Variants in TYR observed in about 807,000 individuals in gnomAD.
The protein encoded by TYR is tyrosinase, also known as LB24-AB.
TYR carries 58 observed loss-of-function variants against 51.5 expected under a neutral mutation model. The observed-to-expected ratio is 1.13, with a 90% CI of 0.91 to 1.40. The LOEUF is 1.40. TYR is among the 40% of genes most tolerant of loss of function. The probability of loss-of-function intolerance (pLI) is 0.00; values close to 1 mark genes in which losing one functional copy is unlikely to be tolerated. For missense variants in TYR, 732 were observed against 647.4 expected (o/e 1.13, Z -1.42); for synonymous variants, 263 against 235.2 (o/e 1.12, Z -1.08).
In TYR at chr11:89,185,726, G is replaced by A. The variant is rs1022016482; in HGVS notation, c.820-5476G>A. 2.6e-5 allele frequency among the ~76,000 whole-genome samples: 4 copies of A among 152,024 alleles called. No individual in the cohort carries two copies. In the East Asian group the frequency reaches 5.8e-4, roughly 22 times the overall value. ...TCTCCTGAATTTCATCTTTTGCTTC[G>A]AATGTATCTCTCACTACCTAATTAC... On this transcript the variant is annotated intron_variant, in intron 1 of 4. Coordinates refer to ENST00000263321, the MANE Select transcript of TYR (RefSeq NM_000372.5).
rs1939261 is a variant in TYR at position 89,178,067 on chromosome 11, G to T, written c.114G>T (p.Pro38=). ...TGATGGAGAAGGAATGCTGTCCACC[G>T]TGGAGCGGGGACAGGAGTCCCTGTG... ...KNLMEKECCP[P]WSGDRSPCGQ... The change falls in exon 1 of 5, where the codon CCG becomes CCT. Residue 38 remains proline, a synonymous_variant. Coordinates refer to ENST00000263321, the MANE Select transcript of TYR (RefSeq NM_000372.5). 1 of 1,614,160 alleles carries T rather than the reference G, an allele frequency of 6.2e-7. No homozygotes were observed. Among genetic ancestry groups the T allele is most frequent in the Non-Finnish European group, 8.5e-7 (1 of 1,180,004 alleles).
At chr11:89,232,016 C>G (rs1185521774) in intron 3 of TYR, among the ~76,000 whole-genome samples, 1 of 139,904 alleles carries the variant, frequency 7.1e-6, no homozygotes, top group South Asian at 2.4e-4. Flanking sequence ...ATTAAGAGAT[C>G]TGTTGTACAG....
intron 3 of TYR, among the ~76,000 whole-genome samples, chr11:89,246,851 C>T (rs1415808980): frequency 3.3e-5 from 5 of 152,112 alleles, no homozygotes; most frequent in Non-Finnish European, 7.4e-5. Flanking sequence ...CAGATTGCTT[C>T]CCTGCTGGTG....
At chr11:89,266,248 T>A (rs1379097522) in intron 3 of TYR, among the ~76,000 whole-genome samples, 1 of 152,020 alleles carries the variant, frequency 6.6e-6, no homozygotes, top group Non-Finnish European at 1.5e-5. Flanking sequence ...TATTTGTGTA[T>A]TGGTGTTCTG....
chr11:89,238,706 T>C (rs1486985220), intron 3 of TYR, among the ~76,000 whole-genome samples: 4 of 152,164 alleles, frequency 2.6e-5, no homozygotes, highest in African/African-American at 9.7e-5. Flanking sequence ...CCATGAAGTA[T>C]GATGTTAGCA....
intron 3 of TYR, among the ~76,000 whole-genome samples, chr11:89,271,788 A>G (rs1565419314): frequency 6.6e-6 from 1 of 151,956 alleles, no homozygotes. Context: ...ACTTTATTAG[A>G]TAAGTTTATA....
intron 2 of TYR, among the ~76,000 whole-genome samples, chr11:89,192,439 G>T (rs1287475516): frequency 6.6e-6 from 1 of 152,040 alleles, no homozygotes; most frequent in Non-Finnish European, 1.5e-5. Flanking sequence ...AAAGGCCTGT[G>T]ACACCTTAAC....
intron 3 of TYR, among the ~76,000 whole-genome samples, chr11:89,254,622 T>C (rs1462418821): frequency 1.3e-5 from 2 of 151,874 alleles, no homozygotes; most frequent in Non-Finnish European, 2.9e-5. Context: ...AAGATGCTCA[T>C]AGTAGCCTTG....
intron 3 of TYR, 53 bp downstream of exon 3, chr11:89,228,023 T>A: frequency 6.3e-7 from 1 of 1,593,464 alleles, no homozygotes. Flanking sequence ...AAATAGAGGG[T>A]GCCTATCAAA....
At chr11:89,255,818 C>G (rs983643912) in intron 3 of TYR, among the ~76,000 whole-genome samples, 1 of 151,414 alleles carries the variant, frequency 6.6e-6, no homozygotes, top group South Asian at 2.1e-4. Flanking sequence ...CCTAATTAGA[C>G]CTTTGTTCAT....
chr11:89,208,790 TTTG>T (rs1184165461), intron 2 of TYR, among the ~76,000 whole-genome samples: 24 of 152,344 alleles, frequency 1.6e-4, no homozygotes, highest in African/African-American at 5.3e-4. Flanking sequence ...ACGTATTTAC[TTTG>T]TTTTTATTTA....
At chr11:89,284,185 C>G (rs1944753229) in intron 3 of TYR, among the ~76,000 whole-genome samples, 2 of 151,698 alleles carry the variant, frequency 1.3e-5, no homozygotes, top group African/African-American at 4.8e-5. Flanking sequence ...GTCAGATTGG[C>G]AGAATATTTA....
intron 4 of TYR, among the ~76,000 whole-genome samples, chr11:89,286,151 G>A (rs1243700594): frequency 1.3e-5 from 2 of 151,740 alleles, no homozygotes; most frequent in Non-Finnish European, 2.9e-5. Context: ...TGAAGAGAAA[G>A]CCATGACTTT....
intron 3 of TYR, among the ~76,000 whole-genome samples, chr11:89,231,645 G>A (rs1470203667): frequency 7.0e-6 from 1 of 142,144 alleles, no homozygotes; most frequent in Admixed American, 7.0e-5. Flanking sequence ...TGGAGCTGGG[G>A]TGGGTTGGAG....
intron 4 of TYR, among the ~76,000 whole-genome samples, chr11:89,286,286 C>T (rs781429516): frequency 2.4e-4 from 36 of 151,836 alleles, no homozygotes; most frequent in Non-Finnish European, 1.6e-4. Flanking sequence ...GGAAAATGTA[C>T]AGCATATTTA....
intron 3 of TYR, among the ~76,000 whole-genome samples, chr11:89,275,571 A>G (rs1186715636): frequency 1.3e-5 from 2 of 151,936 alleles, no homozygotes; most frequent in African/African-American, 4.8e-5. Context: ...GATATTGTTC[A>G]AAGGAAAACT....
intron 3 of TYR, among the ~76,000 whole-genome samples, chr11:89,237,634 G>C (rs1565408379): frequency 6.6e-6 from 1 of 151,904 alleles, no homozygotes; most frequent in Non-Finnish European, 1.5e-5. Context: ...TGATTCTCCT[G>C]CTTTGTTTTT....
intron 3 of TYR, among the ~76,000 whole-genome samples, chr11:89,253,061 T>A (rs1944348673): frequency 1.3e-5 from 2 of 151,726 alleles, no homozygotes; most frequent in African/African-American, 4.8e-5. Flanking sequence ...AAATTAGTCA[T>A]ACCTCCAAAT....
chr11:89,209,770 C>T (rs1279009984), intron 2 of TYR, among the ~76,000 whole-genome samples: 15 of 152,060 alleles, frequency 9.9e-5, no homozygotes, highest in Non-Finnish European at 1.9e-4. Flanking sequence ...GAGGAAGGAT[C>T]GGGCAGCAAT....
Sources: allele counts gnomAD v4.1 joint callset (sites outside exome capture counted in the v4.1 genomes callset), GRCh38; gene constraint gnomAD v4.1.1; transcripts MANE v1.5; gene names NCBI Gene and HGNC (gene_info 2026-07-23, HGNC 2026-07-21).